DNAH8: variants seen among roughly 807,000 people sequenced by gnomAD.
DNAH8 encodes dynein axonemal heavy chain 8.
In DNAH8, 382 loss-of-function variants were observed where a neutral mutation model predicts 562.1. That is an observed-to-expected ratio of 0.68 (90% CI 0.63 to 0.74). The LOEUF (loss-of-function observed/expected upper bound fraction) is 0.74. Among genes scored for constraint, DNAH8 ranks in the 30% least tolerant of loss-of-function variants. DNAH8 has a pLI of 0.00. For synonymous variants in DNAH8, 1,881 were observed against 1,919.4 expected (o/e 0.98, Z 0.52); for missense variants, 5,203 against 5,620.4 (o/e 0.93, Z 2.37).
At chr6:38,917,209 C>A (rs893736083) in intron 68 of DNAH8, 30 bp from the exon 69 acceptor site, 2 of 1,530,160 alleles carry the variant, frequency 1.3e-6, no homozygotes, top group Middle Eastern at 1.8e-4. Context: ...ACTCAACAAA[C>A]AAAATATTGA....
intron 72 of DNAH8, 66 bp from the exon 73 acceptor site, chr6:38,923,925 G>T: frequency 6.5e-7 from 1 of 1,541,822 alleles, no homozygotes; most frequent in South Asian, 1.1e-5. Flanking sequence ...GCAAAACTGT[G>T]ACCTCTCAAA....
rs999815371 is a variant in DNAH8 at position 38,852,715 on chromosome 6, G to C, written c.5488G>C (p.Asp1830His). The change falls in exon 40 of 93, where the codon GAC becomes CAC. Residue 1830 changes from aspartate (D) to histidine (H), a missense_variant. By Grantham distance (81) the Asp-to-His change is moderately conservative (BLOSUM62 -1). Coordinates refer to ENST00000327475, the MANE Select transcript of DNAH8 (RefSeq NM_001206927.2). ...TIQPHLPAVS[D>H]NINEVTFHAK... The stretch of plus-strand genomic sequence containing the variant: ...ACAGCCGCATCTCCCTGCAGTATCT[G>C]ACAACATCAATGAGGTGACATTTCA... 1.2e-6 allele frequency: 2 copies of C among 1,613,456 alleles called. No homozygotes were observed. Among genetic ancestry groups the C allele is most frequent in the African/African-American group, 1.3e-5 (1 of 74,888 alleles).
intron 82 of DNAH8, among the ~76,000 whole-genome samples, chr6:38,970,804 A>G (rs149716145): frequency 1.6e-3 from 251 of 152,318 alleles, no homozygotes; most frequent in Non-Finnish European, 3.1e-3. Context: ...GGCTTGCTTA[A>G]GAGTTAATTT....
intron 17 of DNAH8, among the ~76,000 whole-genome samples, chr6:38,783,509 CTT>C (rs898925490): frequency 1.2e-4 from 18 of 152,200 alleles, no homozygotes; most frequent in South Asian, 2.1e-4. Context: ...ATCCTGCCTT[CTT>C]TCCTCTCTCC....
chr6:38,853,695 A>G (rs80027868), intron 41 of DNAH8, among the ~76,000 whole-genome samples: 2,317 of 152,082 alleles, frequency 0.015, 97 homozygotes, highest in East Asian at 0.15. Flanking sequence ...CAAACTCATC[A>G]TAGTTGAAAA....
At chr6:38,797,416 C>A (rs1472239712) in intron 21 of DNAH8, among the ~76,000 whole-genome samples, 2 of 152,256 alleles carry the variant, frequency 1.3e-5, no homozygotes, top group East Asian at 3.9e-4. Flanking sequence ...TTAAAATATT[C>A]CTAACACCAG....
At chr6:38,843,658 T>A (rs62396406) in intron 35 of DNAH8, among the ~76,000 whole-genome samples, 24,606 of 152,178 alleles carry the variant, frequency 0.16, 2,291 homozygotes, top group Non-Finnish European at 0.21. Flanking sequence ...TGTTTTCAGA[T>A]TCTTCTTTAA....
At chr6:38,839,958 G>A (rs183267760) in intron 33 of DNAH8, among the ~76,000 whole-genome samples, 3 of 152,184 alleles carry the variant, frequency 2.0e-5, no homozygotes, top group Admixed American at 6.5e-5. Context: ...CACCATGTCC[G>A]GTGAAGAAGC....
intron 24 of DNAH8, among the ~76,000 whole-genome samples, chr6:38,811,205 T>C (rs1339787689): frequency 6.6e-6 from 1 of 152,208 alleles, no homozygotes; most frequent in Admixed American, 6.5e-5. Context: ...ATTCTTTCAT[T>C]GTCTTCTTCT....
At chr6:38,851,227 C>G (rs1775715733) in intron 38 of DNAH8, among the ~76,000 whole-genome samples, 1 of 152,160 alleles carries the variant, frequency 6.6e-6, no homozygotes, top group Non-Finnish European at 1.5e-5. Context: ...TCCTCCCTTT[C>G]ACTCTCAAAA....
At chr6:38,908,963 T>C (rs1780682658) in intron 64 of DNAH8, among the ~76,000 whole-genome samples, 1 of 152,172 alleles carries the variant, frequency 6.6e-6, no homozygotes, top group South Asian at 2.1e-4. Context: ...ACAGCTCTGC[T>C]CTAGGGAGTC....
chr6:38,937,923 T>C, intron 77 of DNAH8, 51 bp from the exon 78 acceptor site: 3 of 1,593,932 alleles, frequency 1.9e-6, no homozygotes, highest in Non-Finnish European at 1.7e-6. Flanking sequence ...TGTATCTTGC[T>C]TTGCAAGTTT....
At position 38,803,180 on chromosome 6, in the gene DNAH8, C is replaced by G. The variant is rs1341523887; in HGVS notation, c.2903C>G (p.Thr968Arg). The G allele has an allele frequency of 5.0e-6, 8 of 1,589,238 alleles. No individual in the cohort carries two copies. In the Admixed American group the frequency reaches 1.4e-4, roughly 28 times the overall value. Residue 968 changes from threonine to arginine, a missense_variant and splice_region_variant, in exon 22 of 93, where the codon ACA becomes AGA. Physicochemically the swap from Thr to Arg is moderately conservative, Grantham distance 71. Coordinates refer to ENST00000327475, the MANE Select transcript of DNAH8 (RefSeq NM_001206927.2). ...KVEDMLTLNETYTKEWADILN... is the reference protein window; with the variant it reads ...KVEDMLTLNERYTKEWADILN... Reference sequence around the variant, plus strand: ...AATAGTCATTTCTTTATTTAACAGACATACACAAAAGAATGGGCTGACATT... The same window carrying G: ...AATAGTCATTTCTTTATTTAACAGAGATACACAAAAGAATGGGCTGACATT...
chr6:38,891,576 C>T (rs1305032021), intron 58 of DNAH8, among the ~76,000 whole-genome samples: 1 of 152,216 alleles, frequency 6.6e-6, no homozygotes. Context: ...ATGAGATGCT[C>T]TTCCATGTGG....
In DNAH8 at chr6:38,909,540, G is replaced by A. The variant is rs747689932; in HGVS notation, c.9536G>A (p.Arg3179His). 19 of 1,614,052 alleles carry A rather than the reference G, an allele frequency of 1.2e-5. No homozygotes were observed. Among genetic ancestry groups the A allele is most frequent in the Admixed American group, 3.3e-5 (2 of 60,006 alleles). Reference sequence around the variant, plus strand: ...TAGGTTGGTGAGAAGTTCCGTGCCCGTTCTTTGAAATTTCCTGGCTTGATA... The same window carrying A: ...TAGGTTGGTGAGAAGTTCCGTGCCCATTCTTTGAAATTTCCTGGCTTGATA... ...FSPVGEKFRA[R>H]SLKFPGLISG... Residue 3179 changes from arginine (R) to histidine (H), a missense_variant, in exon 65 of 93, where the codon CGT becomes CAT. Arg to His is a conservative substitution (Grantham distance 29). Transcript: ENST00000327475.
chr6:38,788,478 C>T (rs1769397810), intron 18 of DNAH8, among the ~76,000 whole-genome samples: 1 of 152,074 alleles, frequency 6.6e-6, no homozygotes, highest in East Asian at 1.9e-4. Context: ...TGATAGCCCT[C>T]CTGGTGAGTG....
At position 38,938,194 on chromosome 6, in the gene DNAH8, G is replaced by T; in HGVS notation, c.11784G>T (p.Gln3928His). 1.2e-6 allele frequency: 2 copies of T among 1,613,474 alleles called. No homozygotes were observed. Among genetic ancestry groups the T allele is most frequent in the Non-Finnish European group, 1.7e-6 (2 of 1,179,842 alleles). The change falls in exon 78 of 93, where the codon CAG becomes CAT. Residue 3928 changes from glutamine (Q) to histidine (H), a missense_variant. Gln to His is a conservative substitution (Grantham distance 24). Coordinates refer to ENST00000327475, the MANE Select transcript of DNAH8 (RefSeq NM_001206927.2). The stretch of plus-strand genomic sequence containing the variant: ...TCATGTATCAGACGTCATTGGCCCA[G>T]TTCTTGAAGTTATTTGACCAGTCCA... Reference protein sequence around the residue: ...VNIMYQTSLAQFLKLFDQSMA... With the variant: ...VNIMYQTSLAHFLKLFDQSMA...
intron 53 of DNAH8, among the ~76,000 whole-genome samples, chr6:38,876,477 A>G (rs1047553646): frequency 6.6e-6 from 1 of 152,254 alleles, no homozygotes; most frequent in Non-Finnish European, 1.5e-5. Context: ...GTTTTAATGA[A>G]TAAACTGAAG....
At chr6:39,002,438 C>T (rs1765549735) in intron 88 of DNAH8, among the ~76,000 whole-genome samples, 1 of 152,140 alleles carries the variant, frequency 6.6e-6, no homozygotes. Flanking sequence ...ATTGAACTTT[C>T]TTCTCAGACT....
Sources: allele counts gnomAD v4.1 joint callset (sites outside exome capture counted in the v4.1 genomes callset), GRCh38; gene constraint gnomAD v4.1.1; transcripts MANE v1.5; gene names NCBI Gene and HGNC (gene_info 2026-07-23, HGNC 2026-07-21).